The following SHANK2 variants were observed in gnomAD, a reference collection of about 807,000 sequenced individuals.
SHANK2 encodes the protein SH3 and multiple ankyrin repeat domains 2.
Under a neutral mutation model 133.7 loss-of-function variants are expected in SHANK2, and 43 were observed. That is an observed-to-expected ratio of 0.32 (90% CI 0.25 to 0.41). The LOEUF (loss-of-function observed/expected upper bound fraction) is 0.41. SHANK2 is among the 10% of genes least tolerant of loss of function. The pLI is 1.00. For missense variants in SHANK2, 1,994 were observed against 2,235.8 expected, an observed-to-expected ratio of 0.89 and a Z score of 2.18; for synonymous variants, 1,017 against 952.8, an observed-to-expected ratio of 1.07 and a Z score of -1.24.
intron 14 of SHANK2, among the ~76,000 whole-genome samples, chr11:70,745,063 G>T (rs565716044): frequency 6.6e-6 from 1 of 152,194 alleles, no homozygotes; most frequent in Non-Finnish European, 1.5e-5. Context: ...GCAAAAAGCC[G>T]CCCCAAGCGG....
intron 14 of SHANK2, among the ~76,000 whole-genome samples, chr11:70,731,896 A>G (rs1946296601): frequency 6.6e-6 from 1 of 152,136 alleles, no homozygotes; most frequent in Non-Finnish European, 1.5e-5. Flanking sequence ...CTCCTCCTGC[A>G]CGTGCTCTGC....
intron 1 of SHANK2, among the ~76,000 whole-genome samples, chr11:71,233,381 T>C (rs1178694850): frequency 5.3e-5 from 8 of 152,186 alleles, no homozygotes; most frequent in Non-Finnish European, 1.2e-4. Flanking sequence ...GGATCCCATT[T>C]TGCACGATTC....
intron 10 of SHANK2, among the ~76,000 whole-genome samples, chr11:70,904,485 A>G (rs1950070770): frequency 6.8e-6 from 1 of 146,944 alleles, no homozygotes; most frequent in African/African-American, 2.5e-5. Context: ...CTGTTGTGGG[A>G]GGGACCCGGT....
intron 1 of SHANK2, chr11:71,226,525 A>C (rs1246878756): frequency 6.6e-6 from 1 of 152,242 alleles, no homozygotes; most frequent in Non-Finnish European, 1.5e-5. Flanking sequence ...CTGAACACTA[A>C]GAAAAAATAT....
At chr11:70,863,015 G>A in intron 11 of SHANK2, 1 of 319,150 alleles carries the variant, frequency 3.1e-6, no homozygotes, top group East Asian at 7.8e-5. Flanking sequence ...TGAGCTGGTG[G>A]GCAGGGCAGA....
Position 70,909,023 on chromosome 11 carries a change from A to G in SHANK2, c.1108-12456T>C, listed in dbSNP as rs556359870. ...GGCAGTCAAGGGAATAAAAACCTCG[A>G]AAAACATCAGCGTGTAAGTTTAACA... On this transcript the variant is annotated intron_variant, in intron 10 of 25. Coordinates refer to ENST00000601538, the MANE Select transcript of SHANK2 (RefSeq NM_012309.5). 2.6e-5 allele frequency among the ~76,000 whole-genome samples: 4 copies of G among 152,344 alleles called. No homozygotes were observed. The South Asian group carries it at 6.2e-4, about 24-fold the overall frequency.
intron 17 of SHANK2, among the ~76,000 whole-genome samples, chr11:70,619,892 G>A (rs1400415883): frequency 2.6e-5 from 4 of 152,208 alleles, no homozygotes; most frequent in African/African-American, 9.6e-5. Flanking sequence ...GGGACTTGGA[G>A]GAGCACGTTT....
At chr11:70,581,475 G>A (rs1201179365) in intron 17 of SHANK2, among the ~76,000 whole-genome samples, 1 of 152,134 alleles carries the variant, frequency 6.6e-6, no homozygotes, top group African/African-American at 2.4e-5. Flanking sequence ...CAGATCACTC[G>A]AGGTTGGGAG....
At chr11:70,937,841 C>G (rs1950592469) in intron 10 of SHANK2, among the ~76,000 whole-genome samples, 1 of 152,036 alleles carries the variant, frequency 6.6e-6, no homozygotes, top group Non-Finnish European at 1.5e-5. Flanking sequence ...GTCCCAGAGG[C>G]AGAATCTCAC....
chr11:70,803,320 A>T, intron 13 of SHANK2, among the ~76,000 whole-genome samples: 1 of 149,406 alleles, frequency 6.7e-6, no homozygotes, highest in Non-Finnish European at 1.5e-5. Flanking sequence ...CTTCCAGCCT[A>T]CCCATCCATC....
At chr11:70,702,073 A>G (rs1299592892) in intron 14 of SHANK2, among the ~76,000 whole-genome samples, 2 of 151,154 alleles carry the variant, frequency 1.3e-5, no homozygotes, top group African/African-American at 4.9e-5. Flanking sequence ...CATTACCAAC[A>G]TCATCACCGC....
chr11:70,638,035 A>T (rs2061129136), intron 17 of SHANK2, among the ~76,000 whole-genome samples: 1 of 152,238 alleles, frequency 6.6e-6, no homozygotes, highest in South Asian at 2.1e-4. Context: ...AACCAGCAGG[A>T]AGCTGGAAAG....
At chr11:70,942,049 T>A (rs1280834900) in intron 10 of SHANK2, among the ~76,000 whole-genome samples, 1 of 151,872 alleles carries the variant, frequency 6.6e-6, no homozygotes, top group East Asian at 1.9e-4. Flanking sequence ...TAGCCGGGTG[T>A]GGTGGTGGGA....
intron 1 of SHANK2, among the ~76,000 whole-genome samples, chr11:71,237,179 C>T (rs1283592117): frequency 6.6e-6 from 1 of 152,174 alleles, no homozygotes. Context: ...TCTTGCTGCC[C>T]TTGGGAGCCC....
At chr11:70,640,150 C>G (rs182718889) in intron 17 of SHANK2, among the ~76,000 whole-genome samples, 1 of 152,200 alleles carries the variant, frequency 6.6e-6, no homozygotes, top group Non-Finnish European at 1.5e-5. Context: ...TCCTAATCTC[C>G]GGAACTGAGA....
chr11:71,067,753 G>A (rs1263062318), intron 9 of SHANK2, among the ~76,000 whole-genome samples: 9 of 151,456 alleles, frequency 5.9e-5, no homozygotes, highest in South Asian at 4.2e-4. Flanking sequence ...CACTATCACC[G>A]TCGCCACCAT....
At chr11:71,113,463 C>G (rs982385936) in intron 4 of SHANK2, 99 bp from the exon 5 acceptor site, 2 of 1,060,104 alleles carry the variant, frequency 1.9e-6, no homozygotes, top group African/African-American at 3.2e-5. Flanking sequence ...TCACAGAAGA[C>G]GGGGAACCCC....
At chr11:70,944,586 G>A (rs571471561) in intron 10 of SHANK2, among the ~76,000 whole-genome samples, 2 of 152,316 alleles carry the variant, frequency 1.3e-5, no homozygotes, top group African/African-American at 4.8e-5. Flanking sequence ...GATCCTCTAT[G>A]CGCAACTTGA....
intron 10 of SHANK2, among the ~76,000 whole-genome samples, chr11:70,910,293 G>C (rs1168705578): frequency 1.3e-5 from 2 of 152,096 alleles, no homozygotes; most frequent in Non-Finnish European, 2.9e-5. Context: ...CCTTCCTCAG[G>C]GACACCTAGG....
Sources: allele counts gnomAD v4.1 joint callset (sites outside exome capture counted in the v4.1 genomes callset), GRCh38; gene constraint gnomAD v4.1.1; transcripts MANE v1.5; gene names NCBI Gene and HGNC (gene_info 2026-07-23, HGNC 2026-07-21).